CNGB3: variants seen among roughly 807,000 people sequenced by gnomAD.
The protein encoded by CNGB3 is cyclic nucleotide gated channel subunit beta 3.
In CNGB3, 86 loss-of-function variants were observed where a neutral mutation model predicts 92.8. That is an observed-to-expected ratio of 0.93 (90% CI 0.78 to 1.11). The LOEUF is 1.11. Ranked by LOEUF, CNGB3 falls within the 50% of genes least tolerant of loss-of-function variation. CNGB3 has a pLI of 0.00. For missense variants in CNGB3, 1,026 were observed against 956.8 expected (o/e 1.07, Z -0.95); for synonymous variants, 333 against 332.7 (o/e 1.00, Z -0.01).
intron 13 of CNGB3, among the ~76,000 whole-genome samples, chr8:86,623,935 C>T (rs2131578711): frequency 6.6e-6 from 1 of 152,238 alleles, no homozygotes; most frequent in Non-Finnish European, 1.5e-5. Flanking sequence ...GCTTCAATAA[C>T]CCTGGGTCTG....
chr8:86,722,283 A>G (rs1824985370), intron 3 of CNGB3, among the ~76,000 whole-genome samples: 1 of 152,210 alleles, frequency 6.6e-6, no homozygotes, highest in East Asian at 1.9e-4. Flanking sequence ...ATATATTTTT[A>G]TATTAAAAAA....
rs1563712372 is a variant in CNGB3 at position 86,578,804 on chromosome 8, G to A, written c.1988C>T (p.Ala663Val). 3.1e-6 allele frequency: 5 copies of A among 1,614,110 alleles called. No individual in the cohort carries two copies. In the East Asian group the frequency reaches 8.9e-5, roughly 29 times the overall value. Reference sequence around the variant, plus strand: ...CTCTTCTTTCGGTGGGAAGAGGAGGGCAAGATCTTTTCTTGGAGGGGTTGC... The same window carrying A: ...CTCTTCTTTCGGTGGGAAGAGGAGGACAAGATCTTTTCTTGGAGGGGTTGC... Reference protein sequence around the residue: ...AEATPPRKDLALLFPPKEETP... With the variant: ...AEATPPRKDLVLLFPPKEETP... Residue 663 changes from alanine to valine, a missense_variant, in exon 17 of 18, where the codon GCC becomes GTC. Transcript: ENST00000320005.
At chr8:86,608,414 A>T (rs1401357159) in intron 14 of CNGB3, among the ~76,000 whole-genome samples, 1 of 152,234 alleles carries the variant, frequency 6.6e-6, no homozygotes, top group African/African-American at 2.4e-5. Flanking sequence ...AGCAGTAGCA[A>T]AAAGTGTCAA....
intron 6 of CNGB3, chr8:86,659,306 C>T (rs1325101222): frequency 8.9e-7 from 1 of 1,117,660 alleles, no homozygotes; most frequent in Admixed American, 1.7e-5. Context: ...GGTGTGCTTC[C>T]AGCTGTGCCT....
In CNGB3 at chr8:86,579,091, T is replaced by G. The variant is rs541937792; in HGVS notation, c.1928+15A>C. 6 of 1,614,136 alleles carry G rather than the reference T, an allele frequency of 3.7e-6. No homozygotes were observed. In the Admixed American group the frequency reaches 1.0e-4, roughly 27 times the overall value. On this transcript the variant is annotated intron_variant, in intron 16 of 17. Transcript: ENST00000320005. Reference sequence around the variant, plus strand: ...CCAACTCCATCCATCTCTAATGGTGTTTTAAAGGTTGTACCTGGCTTTCTT... The same window carrying G: ...CCAACTCCATCCATCTCTAATGGTGGTTTAAAGGTTGTACCTGGCTTTCTT...
intron 17 of CNGB3, among the ~76,000 whole-genome samples, chr8:86,576,595 C>A (rs1821666521): frequency 1.3e-5 from 2 of 152,150 alleles, no homozygotes; most frequent in African/African-American, 4.8e-5. Flanking sequence ...GAAACTTATC[C>A]CTTTCCTAGT....
At chr8:86,706,618 G>T in intron 3 of CNGB3, among the ~76,000 whole-genome samples, 1 of 152,174 alleles carries the variant, frequency 6.6e-6, no homozygotes, top group East Asian at 1.9e-4. Flanking sequence ...TACTTTTGTT[G>T]CCTGGACTGA....
At chr8:86,617,002 T>C (rs1288732036) in intron 13 of CNGB3, among the ~76,000 whole-genome samples, 1 of 152,196 alleles carries the variant, frequency 6.6e-6, no homozygotes, top group African/African-American at 2.4e-5. Context: ...TGGGCTGACA[T>C]ATAGAATGAA....
At chr8:86,738,491 C>T (rs1825283875) in intron 2 of CNGB3, among the ~76,000 whole-genome samples, 1 of 152,100 alleles carries the variant, frequency 6.6e-6, no homozygotes, top group African/African-American at 2.4e-5. Flanking sequence ...GGGGGTAGTG[C>T]AGACATAAGC....
At chr8:86,675,784 G>A (rs1217717168) in intron 3 of CNGB3, among the ~76,000 whole-genome samples, 1 of 152,026 alleles carries the variant, frequency 6.6e-6, no homozygotes, top group Admixed American at 6.6e-5. Context: ...TTTGATAAAG[G>A]TACAAGGGAA....
intron 3 of CNGB3, among the ~76,000 whole-genome samples, chr8:86,688,871 T>G (rs1391382584): frequency 6.6e-6 from 1 of 152,022 alleles, no homozygotes. Flanking sequence ...GCTTCTCTTG[T>G]TCTTTAATAT....
intron 10 of CNGB3, among the ~76,000 whole-genome samples, chr8:86,643,520 C>T (rs751086379): frequency 2.6e-5 from 4 of 151,226 alleles, no homozygotes; most frequent in Middle Eastern, 3.2e-3. Context: ...TATGTGAGAA[C>T]GTGTGATATT....
chr8:86,652,867 A>C (rs746181591), intron 7 of CNGB3, among the ~76,000 whole-genome samples: 46 of 152,150 alleles, frequency 3.0e-4, no homozygotes, highest in Non-Finnish European at 6.2e-4. Context: ...AGAGTACAGG[A>C]TAGTAAATAC....
chr8:86,694,392 G>T (rs1035385854), intron 3 of CNGB3, among the ~76,000 whole-genome samples: 2 of 151,114 alleles, frequency 1.3e-5, no homozygotes, highest in Non-Finnish European at 3.0e-5. Flanking sequence ...TGGCTGGCCT[G>T]GCGGGGGCTG....
intron 15 of CNGB3, among the ~76,000 whole-genome samples, chr8:86,589,937 G>A (rs1488219390): frequency 6.7e-6 from 1 of 150,068 alleles, no homozygotes; most frequent in Admixed American, 6.7e-5. Flanking sequence ...TTGACAGTGG[G>A]GTGTTAAAGT....
At chr8:86,671,987 A>C (rs766294243) in intron 3 of CNGB3, among the ~76,000 whole-genome samples, 1 of 152,188 alleles carries the variant, frequency 6.6e-6, no homozygotes, top group Non-Finnish European at 1.5e-5. Flanking sequence ...TATTTGTTAT[A>C]TCTTCAACTT....
At chr8:86,583,677 T>C (rs1821835730) in intron 15 of CNGB3, among the ~76,000 whole-genome samples, 1 of 151,970 alleles carries the variant, frequency 6.6e-6, no homozygotes, top group Admixed American at 6.6e-5. Context: ...CTCAGCACTT[T>C]GGGAGGTTGA....
intron 6 of CNGB3, chr8:86,660,580 A>C (rs1282610772): frequency 3.7e-6 from 2 of 534,140 alleles, no homozygotes; most frequent in Admixed American, 3.9e-5. Flanking sequence ...TTGCTAGATT[A>C]TATTGATTCT....
chr8:86,632,722 T>A (rs770266622), intron 11 of CNGB3, 30 bp downstream of exon 11: 1 of 1,610,448 alleles, frequency 6.2e-7, no homozygotes, highest in Non-Finnish European at 8.5e-7. Context: ...ATGACAGCAC[T>A]GTGTATCCAG....
Sources: gnomAD v4.1 joint callset for allele counts (sites outside exome capture counted in the v4.1 genomes callset) on GRCh38, gnomAD v4.1.1 for gene constraint, MANE v1.5 for transcripts, NCBI Gene and HGNC (gene_info 2026-07-23, HGNC 2026-07-21) for gene names.